The following IREB2 variants were observed in gnomAD, a reference collection of about 807,000 sequenced individuals.
IREB2 encodes the protein iron responsive element binding protein 2.
Under a neutral mutation model 118.8 loss-of-function variants are expected in IREB2, and 39 were observed. That is an observed-to-expected ratio of 0.33 (90% CI 0.25 to 0.43). IREB2 has a LOEUF of 0.43. IREB2 is among the 20% of genes least tolerant of loss of function. The probability of loss-of-function intolerance (pLI) is 1.00; values close to 1 mark genes in which losing one functional copy is unlikely to be tolerated. For missense variants in IREB2, 900 were observed against 1,147.3 expected, an observed-to-expected ratio of 0.78 and a Z score of 3.11; for synonymous variants, 372 against 392.2, an observed-to-expected ratio of 0.95 and a Z score of 0.61.
chr15:78,497,392 A>C (rs755288888), intron 21 of IREB2, 81 bp downstream of exon 21: 34 of 1,003,688 alleles, frequency 3.4e-5, no homozygotes, highest in Non-Finnish European at 5.0e-5. Flanking sequence ...GCTGTAAATT[A>C]TATACTAATG....
chr15:78,491,828 T>A (rs1274181779), intron 18 of IREB2, among the ~76,000 whole-genome samples: 1 of 152,228 alleles, frequency 6.6e-6, no homozygotes, highest in African/African-American at 2.4e-5. Context: ...TGACATGTGA[T>A]AATATTGCAC....
At chr15:78,463,482 A>T (rs1186498935) in intron 3 of IREB2, among the ~76,000 whole-genome samples, 1 of 151,510 alleles carries the variant, frequency 6.6e-6, no homozygotes, top group Admixed American at 6.6e-5. Flanking sequence ...TTCCTAATGG[A>T]TGGCTCTGTG....
intron 18 of IREB2, 133 bp downstream of exon 18, chr15:78,490,894 C>A: frequency 2.6e-6 from 2 of 759,508 alleles, no homozygotes; most frequent in Non-Finnish European, 4.2e-6. Context: ...ATGTGTTTGT[C>A]TTAAGCAAGA....
At position 78,484,787 on chromosome 15, in the gene IREB2, A is replaced by G. The variant is rs1391788493; in HGVS notation, c.1440A>G (p.Ala480=). 1 of 1,613,312 alleles carries G rather than the reference A, an allele frequency of 6.2e-7. No individual in the cohort carries two copies. Among genetic ancestry groups the G allele is most frequent in the Admixed American group, 1.7e-5 (1 of 59,964 alleles). The change falls in exon 12 of 22, where the codon GCA becomes GCG. Residue 480 remains alanine (A), a synonymous_variant. Transcript: ENST00000258886. ...TTGGATTTAAAGGCTTCCAAATTGC[A>G]GCTGAAAAACAAAAGGATATTGTCT... ...EKVGFKGFQI[A]AEKQKDIVSI...
At chr15:78,486,748 CA>C (rs141285406) in intron 13 of IREB2, among the ~76,000 whole-genome samples, 3,423 of 152,274 alleles carry the variant, frequency 0.022, 53 homozygotes, top group Middle Eastern at 0.051. Flanking sequence ...CAGCTCATTG[CA>C]GCCTCGACCT....
At chr15:78,470,434 T>A in intron 5 of IREB2, 98 bp from the exon 6 acceptor site, 1 of 625,062 alleles carries the variant, frequency 1.6e-6, no homozygotes, top group Non-Finnish European at 2.8e-6. Context: ...TAAGAATATA[T>A]TTGTGTATAT....
At chr15:78,495,603 T>G (rs2051827211) in intron 20 of IREB2, among the ~76,000 whole-genome samples, 1 of 152,220 alleles carries the variant, frequency 6.6e-6, no homozygotes, top group African/African-American at 2.4e-5. Flanking sequence ...CTTAGTCCCC[T>G]GTTTTCAATC....
At chr15:78,442,500 CTG>C (rs1170068718) in intron 2 of IREB2, among the ~76,000 whole-genome samples, 1 of 152,164 alleles carries the variant, frequency 6.6e-6, no homozygotes, top group Non-Finnish European at 1.5e-5. Flanking sequence ...TTGAGAATGA[CTG>C]TTGTAATGAG....
At chr15:78,494,688 C>T (rs2051810103) in intron 20 of IREB2, among the ~76,000 whole-genome samples, 1 of 152,256 alleles carries the variant, frequency 6.6e-6, no homozygotes, top group African/African-American at 2.4e-5. Context: ...GTTCTCCTGC[C>T]TCAGCCTCCC....
chr15:78,444,691 G>C (rs972219838), intron 2 of IREB2, among the ~76,000 whole-genome samples: 2 of 152,062 alleles, frequency 1.3e-5, no homozygotes, highest in African/African-American at 4.8e-5. Context: ...ATTTTTATGT[G>C]TATACAAAAA....
At chr15:78,456,704 C>T (rs756507896) in intron 2 of IREB2, among the ~76,000 whole-genome samples, 1 of 151,392 alleles carries the variant, frequency 6.6e-6, no homozygotes, top group Non-Finnish European at 1.5e-5. Flanking sequence ...AGTGTTTTCT[C>T]GTAGCACTCT....
At chr15:78,468,991 T>G (rs2051330308) in intron 5 of IREB2, among the ~76,000 whole-genome samples, 2 of 152,222 alleles carry the variant, frequency 1.3e-5, no homozygotes, top group Non-Finnish European at 2.9e-5. Flanking sequence ...TTTTTATAAC[T>G]GGCACATCGT....
Position 78,488,198 on chromosome 15 carries a change from G to C in IREB2, c.1813G>C (p.Gly605Arg). 1 of 1,605,822 alleles carries C rather than the reference G, an allele frequency of 6.2e-7. No homozygotes were observed. The highest frequency in any genetic ancestry group is 8.5e-7 in the Non-Finnish European group (1 of 1,177,430). ...TTTTCAGGGTGATTTGGTTACCTGT[G>C]GAATTTTATCTGGAAACAAAAATTT... is the stretch of plus-strand genomic sequence containing the variant. The part of the protein sequence containing the change: ...AVKQGDLVTC[G>R]ILSGNKNFEG... Residue 605 changes from glycine (G) to arginine (R), a missense_variant, in exon 15 of 22, where the codon GGA (glycine) becomes CGA (arginine). Transcript: ENST00000258886.
rs575801079 is a variant in IREB2, at chr15:78,449,834, T to C, written c.106+9953T>C. 1.8e-4 allele frequency among the ~76,000 whole-genome samples: 28 copies of C among 152,278 alleles called. No individual in the cohort carries two copies. In the East Asian group the frequency reaches 5.4e-3, roughly 29 times the overall value. On this transcript the variant is annotated intron_variant, in intron 2 of 21. Coordinates refer to ENST00000258886, the MANE Select transcript of IREB2 (RefSeq NM_004136.4). Reference sequence around the variant, plus strand: ...TTTCAGAGCCGAACCACCTATTGGATCTTCCACTAAGTAACTGATCAAAAG... The same window carrying C: ...TTTCAGAGCCGAACCACCTATTGGACCTTCCACTAAGTAACTGATCAAAAG...
In IREB2 at chr15:78,445,139, T is replaced by TA. The variant is rs72148122; in HGVS notation, c.106+5258_106+5259insA. Among the ~76,000 whole-genome samples, 639 of 92,086 alleles carry TA rather than the reference T, an allele frequency of 6.9e-3. 5 individuals carry two copies. Among genetic ancestry groups the TA allele is most frequent in the African/African-American group, 0.019 (612 of 32,772 alleles). 60.4% of individuals were successfully genotyped at this position (92,086 alleles called of 152,430 possible). A position where few individuals can be genotyped will look rare whatever the true frequency, so the allele number is the denominator to read the frequency against. The stretch of plus-strand genomic sequence containing the variant: ...TTTACTGTTGGTTCCAGTCTTTATT[T>TA]TTTTTTTTTTTTTTTTGAGACAGAG... On this transcript the variant is annotated intron_variant, in intron 2 of 21. Coordinates refer to ENST00000258886, the MANE Select transcript of IREB2 (RefSeq NM_004136.4).
intron 2 of IREB2, among the ~76,000 whole-genome samples, chr15:78,452,574 A>G (rs1033919870): frequency 3.6e-4 from 55 of 152,132 alleles, no homozygotes; most frequent in African/African-American, 1.2e-3. Context: ...AAAGGAGTAG[A>G]GGTTAACAAG....
intron 2 of IREB2, among the ~76,000 whole-genome samples, chr15:78,449,870 G>T (rs1022345798): frequency 1.3e-5 from 2 of 151,966 alleles, no homozygotes; most frequent in African/African-American, 2.4e-5. Context: ...GATATTTATT[G>T]TTATCAGCTT....
At chr15:78,466,550 A>G (rs1481854006) in intron 5 of IREB2, 61 bp downstream of exon 5, 21 of 1,103,628 alleles carry the variant, frequency 1.9e-5, no homozygotes, top group African/African-American at 2.8e-5. Context: ...TAAGAAAATC[A>G]AATTTATTCT....
At chr15:78,495,683 A>G (rs1385553007) in intron 20 of IREB2, among the ~76,000 whole-genome samples, 1 of 152,242 alleles carries the variant, frequency 6.6e-6, no homozygotes, top group Non-Finnish European at 1.5e-5. Context: ...TATTTCTGCT[A>G]TAACAAAAAA....
Sources: gnomAD v4.1 joint callset for allele counts (sites outside exome capture counted in the v4.1 genomes callset) on GRCh38, gnomAD v4.1.1 for gene constraint, MANE v1.5 for transcripts, NCBI Gene and HGNC (gene_info 2026-07-23, HGNC 2026-07-21) for gene names.